Variants in ERG observed in about 807,000 individuals in gnomAD.
ERG encodes the protein ETS transcription factor ERG, also known as transcriptional regulator ERG.
In ERG, 9 loss-of-function variants were observed where a neutral mutation model predicts 55.3. The ratio of observed to expected loss-of-function variants is 0.16; its 90% CI spans 0.10 to 0.28. The LOEUF (loss-of-function observed/expected upper bound fraction) is 0.28. ERG is among the 10% of genes least tolerant of loss of function. The probability of loss-of-function intolerance (pLI) is 1.00; values close to 1 mark genes in which losing one functional copy is unlikely to be tolerated. For synonymous variants in ERG, 223 were observed against 237.3 expected (o/e 0.94, Z 0.55); for missense variants, 434 against 631.6 (o/e 0.69, Z 3.35).
At chr21:38,534,985 T>C (rs891676801) in intron 2 of ERG, among the ~76,000 whole-genome samples, 2 of 152,158 alleles carry the variant, frequency 1.3e-5, no homozygotes, top group African/African-American at 4.8e-5. Flanking sequence ...CCGAGGGACA[T>C]GTGCAGGATG....
chr21:38,482,067 C>A (rs2059243068), intron 1 of ERG, among the ~76,000 whole-genome samples: 1 of 152,148 alleles, frequency 6.6e-6, no homozygotes, highest in African/African-American at 2.4e-5. Flanking sequence ...TATGGGTTGC[C>A]TGGAAACTGT....
chr21:38,471,184 A>G (rs1198527332), intron 1 of ERG: 1 of 152,244 alleles, frequency 6.6e-6, no homozygotes, highest in Non-Finnish European at 1.5e-5. Context: ...TTTAAATATT[A>G]AAATAAGACA....
intron 1 of ERG, among the ~76,000 whole-genome samples, chr21:38,608,065 A>G (rs2060206383): frequency 6.6e-6 from 1 of 152,246 alleles, no homozygotes; most frequent in South Asian, 2.1e-4. Flanking sequence ...ATAAGTTGAC[A>G]GTAACAACTA....
intron 1 of ERG, among the ~76,000 whole-genome samples, chr21:38,450,553 A>G (rs1178753839): frequency 6.6e-6 from 1 of 152,158 alleles, no homozygotes; most frequent in Admixed American, 6.5e-5. Context: ...ACCCTTCCTT[A>G]AATTTCCCTC....
At chr21:38,641,740 A>C (rs931952326) in intron 1 of ERG, among the ~76,000 whole-genome samples, 1 of 151,784 alleles carries the variant, frequency 6.6e-6, no homozygotes, top group Non-Finnish European at 1.5e-5. Context: ...GAAAAAAAAA[A>C]CAAATTTCTG....
chr21:38,393,147 G>A (rs1471170534), intron 6 of ERG, among the ~76,000 whole-genome samples: 1 of 152,184 alleles, frequency 6.6e-6, no homozygotes, highest in African/African-American at 2.4e-5. Context: ...GCCCATTAAT[G>A]ATGACCTTCT....
At chr21:38,452,924 T>C (rs2058954713) in intron 1 of ERG, among the ~76,000 whole-genome samples, 1 of 152,240 alleles carries the variant, frequency 6.6e-6, no homozygotes, top group African/African-American at 2.4e-5. Flanking sequence ...AGAAATAAGA[T>C]AATTTCTTAA....
chr21:38,603,720 G>A (rs1433525435), intron 1 of ERG, among the ~76,000 whole-genome samples: 2 of 152,034 alleles, frequency 1.3e-5, no homozygotes, highest in East Asian at 1.9e-4. Flanking sequence ...AAGGGCCCCC[G>A]ATAAGGTTTT....
At chr21:38,657,410 T>A (rs2060525961) in intron 1 of ERG, among the ~76,000 whole-genome samples, 1 of 152,226 alleles carries the variant, frequency 6.6e-6, no homozygotes, top group Admixed American at 6.5e-5. Flanking sequence ...GCGCTCCATT[T>A]TTAGATGCAC....
rs757600767 is a variant in ERG at position 38,537,439 on chromosome 21, A to AT, written c.-41+38222_-41+38223insA. Among the ~76,000 whole-genome samples, 294 of 140,546 alleles carry AT rather than the reference A, an allele frequency of 2.1e-3. 2 individuals are homozygous for AT. Among genetic ancestry groups the AT allele is most frequent in the African/African-American group, 7.7e-3 (277 of 35,764 alleles). The allele number at this position is 140,546 out of a possible 152,430, so 92.2% of individuals were successfully genotyped here. A position where few individuals can be genotyped will look rare whatever the true frequency, so the allele number is the denominator to read the frequency against. The stretch of plus-strand genomic sequence containing the variant: ...AATAAGGGATTAATATCCAGAAAAA[A>AT]AAATATATATATATATGTATATAAC... On this transcript the variant is annotated intron_variant, in intron 2 of 8. Transcript: ENST00000398897.
intron 1 of ERG, among the ~76,000 whole-genome samples, chr21:38,612,888 C>T (rs2060236394): frequency 6.6e-6 from 1 of 152,078 alleles, no homozygotes; most frequent in Admixed American, 6.5e-5. Flanking sequence ...GTCTCGATCT[C>T]CTGACCTCGT....
At chr21:38,470,993 G>A (rs566614630) in intron 1 of ERG, 17 of 152,308 alleles carry the variant, frequency 1.1e-4, no homozygotes, top group African/African-American at 4.1e-4. Flanking sequence ...CTGTCCTCTA[G>A]GCAACCTAGG....
At chr21:38,580,710 T>A (rs1173695459) in intron 1 of ERG, among the ~76,000 whole-genome samples, 3 of 152,212 alleles carry the variant, frequency 2.0e-5, no homozygotes, top group Non-Finnish European at 4.4e-5. Context: ...AATGCCAATG[T>A]CTTACTAAAT....
intron 1 of ERG, among the ~76,000 whole-genome samples, chr21:38,577,722 T>G (rs1325639007): frequency 2.0e-5 from 3 of 152,218 alleles, no homozygotes; most frequent in Admixed American, 2.0e-4. Flanking sequence ...GGGGAGCGTC[T>G]GCAAGCCATC....
At chr21:38,648,323 C>A (rs76745769) in intron 1 of ERG, among the ~76,000 whole-genome samples, 1 of 152,282 alleles carries the variant, frequency 6.6e-6, no homozygotes, top group South Asian at 2.1e-4. Flanking sequence ...GCGATGCTAC[C>A]GCATGTTGTC....
chr21:38,468,752 G>C (rs190892004), intron 1 of ERG, among the ~76,000 whole-genome samples: 1 of 152,152 alleles, frequency 6.6e-6, no homozygotes, highest in Non-Finnish European at 1.5e-5. Flanking sequence ...TTGGGAGGCC[G>C]AGGCAGGCGG....
intron 2 of ERG, among the ~76,000 whole-genome samples, chr21:38,503,851 C>T (rs1222914758): frequency 6.6e-6 from 1 of 152,070 alleles, no homozygotes; most frequent in Non-Finnish European, 1.5e-5. Flanking sequence ...CTGCAGCAGT[C>T]GGAGGATTTG....
intron 1 of ERG, among the ~76,000 whole-genome samples, chr21:38,594,389 C>T (rs2060119156): frequency 1.3e-5 from 2 of 152,224 alleles, no homozygotes; most frequent in African/African-American, 4.8e-5. Flanking sequence ...CATGAAGCCT[C>T]ATAGGTATGC....
At position 38,538,037 on chromosome 21, in the gene ERG, A is replaced by G. The variant is rs551431596; in HGVS notation, c.-41+37625T>C. ...CTTTGGAAAGTTAAGAGATTGTCTT[A>G]TTTATCTTACGCTAAGAGAAATAAG... On this transcript the variant is annotated intron_variant, in intron 2 of 8. Coordinates refer to the ERG transcript ENST00000398897. 4.8e-4 allele frequency among the ~76,000 whole-genome samples: 73 copies of G among 152,286 alleles called. 2 individuals are homozygous for G. In the South Asian group the frequency reaches 0.013, roughly 28 times the overall value.
Sources: gnomAD v4.1 joint callset for allele counts (sites outside exome capture counted in the v4.1 genomes callset) on GRCh38, gnomAD v4.1.1 for gene constraint, MANE v1.5 for transcripts, NCBI Gene and HGNC (gene_info 2026-07-23, HGNC 2026-07-21) for gene names.